VRK1: variants seen among roughly 807,000 people sequenced by gnomAD.
VRK1 encodes the protein VRK serine/threonine kinase 1.
In VRK1, 33 loss-of-function variants were observed where a neutral mutation model predicts 57.1. The ratio of observed to expected loss-of-function variants is 0.58; its 90% CI spans 0.44 to 0.77. VRK1 has a LOEUF of 0.77. VRK1 is among the 30% of genes least tolerant of loss of function. VRK1 has a pLI of 0.00. For synonymous variants in VRK1, 137 were observed against 147.8 expected (o/e 0.93, Z 0.53); for missense variants, 413 against 477.3 (o/e 0.87, Z 1.25).
rs551802437 is a variant in VRK1 at position 96,854,396 on chromosome 14, T to C, written c.577-828T>C. On this transcript the variant is annotated intron_variant, in intron 7 of 12. Coordinates refer to ENST00000216639, the MANE Select transcript of VRK1 (RefSeq NM_003384.3). The stretch of plus-strand genomic sequence containing the variant: ...GACATATGCTTTGGATGGGATTATT[T>C]TTCCAGTGTTAGATGTATGTGCTAG... 2.6e-5 allele frequency among the ~76,000 whole-genome samples: 4 copies of C among 152,296 alleles called. No homozygotes were observed. In the South Asian group the frequency reaches 8.3e-4, roughly 32 times the overall value.
chr14:96,847,149 G>A lies in VRK1; in HGVS notation c.287-108G>A. 5 of 807,624 alleles carry A rather than the reference G, an allele frequency of 6.2e-6. No individual in the cohort carries two copies. The Admixed American group carries it at 8.5e-5, about 14-fold the overall frequency. The allele number at this position is 807,624 out of a possible 1,614,324, so 50.0% of individuals were successfully genotyped here. On this transcript the variant is annotated intron_variant, in intron 4 of 12. Transcript: ENST00000216639. Reference sequence around the variant, plus strand: ...CTTCATTTTCTTTTTTATGAATACAGGTGAATTCTTATTGCATGTATAAAT... The same window carrying A: ...CTTCATTTTCTTTTTTATGAATACAAGTGAATTCTTATTGCATGTATAAAT...
At chr14:96,809,664 CCAGGTT>C (rs1886095453) in intron 1 of VRK1, among the ~76,000 whole-genome samples, 1 of 151,410 alleles carries the variant, frequency 6.6e-6, no homozygotes. Context: ...CCTCTGCCTC[CCAGGTT>C]CAAGTGATTC....
intron 11 of VRK1, among the ~76,000 whole-genome samples, chr14:96,870,324 A>G (rs984696698): frequency 1.3e-5 from 2 of 152,338 alleles, no homozygotes; most frequent in Admixed American, 6.5e-5. Context: ...TAGGCATAAA[A>G]TATTAAAGAT....
intron 1 of VRK1, among the ~76,000 whole-genome samples, chr14:96,819,249 C>T (rs1375583460): frequency 6.6e-6 from 1 of 152,140 alleles, no homozygotes; most frequent in Non-Finnish European, 1.5e-5. Context: ...TTTTTGGCTC[C>T]TCCTAAATCA....
At chr14:96,852,790 G>A (rs1195131578) in intron 5 of VRK1, 41 bp from the exon 6 acceptor site, 1 of 1,535,264 alleles carries the variant, frequency 6.5e-7, no homozygotes, top group South Asian at 1.1e-5. Context: ...TGGTTTTCTT[G>A]CATTGTATTT....
intron 11 of VRK1, among the ~76,000 whole-genome samples, chr14:96,868,638 T>G (rs912457453): frequency 6.6e-6 from 1 of 152,138 alleles, no homozygotes; most frequent in African/African-American, 2.4e-5. Context: ...AGAAGGAAAT[T>G]TGGTGTCATA....
chr14:96,878,708 G>A (rs1180078469), intron 12 of VRK1, among the ~76,000 whole-genome samples: 1 of 152,068 alleles, frequency 6.6e-6, no homozygotes, highest in African/African-American at 2.4e-5. Flanking sequence ...GTGATGGGAT[G>A]GTTTTCAAGA....
rs570653893 is a variant in VRK1, at chr14:96,827,659, T to C, written c.-5-5808T>C. ...TGGAGACAGTAACTGCTCCCTATAT[T>C]TGCTAGTTCCATATTCCTTCAAATT... On this transcript the variant is annotated intron_variant, in intron 1 of 12. Coordinates refer to ENST00000216639, the MANE Select transcript of VRK1 (RefSeq NM_003384.3). Among the ~76,000 whole-genome samples the C allele has an allele frequency of 2.6e-5, 4 of 152,324 alleles. No individual in the cohort carries two copies. The South Asian group carries it at 8.3e-4, about 32-fold the overall frequency.
intron 3 of VRK1, among the ~76,000 whole-genome samples, chr14:96,839,457 T>C (rs1887366073): frequency 2.6e-5 from 4 of 151,978 alleles, no homozygotes; most frequent in Non-Finnish European, 5.9e-5. Context: ...CTTGTACACA[T>C]TGGCCAATAA....
intron 3 of VRK1, 93 bp from the exon 4 acceptor site, chr14:96,846,002 A>G: frequency 8.6e-7 from 1 of 1,167,052 alleles, no homozygotes. Context: ...CATTGGACAG[A>G]AAAATAGATT....
intron 1 of VRK1, among the ~76,000 whole-genome samples, chr14:96,823,019 G>A (rs1430680550): frequency 1.3e-5 from 2 of 152,092 alleles, no homozygotes; most frequent in Non-Finnish European, 2.9e-5. Flanking sequence ...ATACTCACAT[G>A]GTCCTCTTCC....
chr14:96,880,504 G>T (rs1312690227), intron 12 of VRK1, among the ~76,000 whole-genome samples: 1 of 152,128 alleles, frequency 6.6e-6, no homozygotes, highest in Middle Eastern at 3.2e-3. Context: ...TAGTAGGTGG[G>T]GTGAAATGTC....
chr14:96,860,652 A>G lies in VRK1; in HGVS notation c.985A>G (p.Lys329Glu), dbSNP rs1307266976. The G allele has an allele frequency of 6.2e-7, 1 of 1,613,462 alleles. No homozygotes were observed. The change falls in exon 11 of 13, where the codon AAA (lysine) becomes GAA (glutamate). Residue 329 changes from lysine to glutamate, a missense_variant. This residue lies in a region of VRK1 where 146 missense variants were observed against 138.2 expected (regional missense o/e 1.06). Coordinates refer to ENST00000216639, the MANE Select transcript of VRK1 (RefSeq NM_003384.3). Reference sequence around the variant, plus strand: ...ACGTGACATTCTTTTGCAAGGACTAAAAGCTATAGGAAGTAAGGATGATGG... The same window carrying G: ...ACGTGACATTCTTTTGCAAGGACTAGAAGCTATAGGAAGTAAGGATGATGG... ...NLRDILLQGL[K>E]AIGSKDDGKL...
rs570451828 is a variant in VRK1 at position 96,877,943 on chromosome 14, T to G, written c.1159+1823T>G. On this transcript the variant is annotated intron_variant, in intron 12 of 12. Coordinates refer to ENST00000216639, the MANE Select transcript of VRK1 (RefSeq NM_003384.3). Reference sequence around the variant, plus strand: ...AAATATATCAGTATTTTTGTTATTTTATTAATGACAAAAGAGTATAGTAAA... The same window carrying G: ...AAATATATCAGTATTTTTGTTATTTGATTAATGACAAAAGAGTATAGTAAA... 1.8e-4 allele frequency among the ~76,000 whole-genome samples: 27 copies of G among 152,352 alleles called. No homozygotes were observed. The South Asian group carries it at 4.3e-3, about 25-fold the overall frequency.
chr14:96,879,170 T>C (rs1052000373), intron 12 of VRK1, among the ~76,000 whole-genome samples: 3 of 152,136 alleles, frequency 2.0e-5, no homozygotes, highest in Non-Finnish European at 4.4e-5. Flanking sequence ...TATACATTAG[T>C]CTTCTGATTG....
At chr14:96,825,324 GAATA>G (rs747195092) in intron 1 of VRK1, among the ~76,000 whole-genome samples, 2 of 152,194 alleles carry the variant, frequency 1.3e-5, no homozygotes, top group African/African-American at 2.4e-5. Context: ...TTTTGAGGAA[GAATA>G]AATAGAGTTT....
chr14:96,807,680 A>T (rs1222665395), intron 1 of VRK1, among the ~76,000 whole-genome samples: 1 of 152,156 alleles, frequency 6.6e-6, no homozygotes, highest in East Asian at 1.9e-4. Context: ...GTTGAATAAA[A>T]TCCCTGCATC....
chr14:96,838,999 T>G (rs1887340266), intron 3 of VRK1, among the ~76,000 whole-genome samples: 1 of 151,938 alleles, frequency 6.6e-6, no homozygotes, highest in South Asian at 2.1e-4. Context: ...GTAGAGCATT[T>G]CCATCATACT....
In VRK1 at chr14:96,825,917, A is replaced by G. The variant is rs563166748; in HGVS notation, c.-5-7550A>G. 8.0e-4 allele frequency among the ~76,000 whole-genome samples: 122 copies of G among 152,354 alleles called. 1 individual carries two copies. The highest frequency in any genetic ancestry group is 1.7e-3 in the South Asian group (8 of 4,822). ...TTTTGGGGAAAATTTATGAGTAGTC[A>G]TTCAGTATATAACGAGCTTTATTCA... On this transcript the variant is annotated intron_variant, in intron 1 of 12. Coordinates refer to ENST00000216639, the MANE Select transcript of VRK1 (RefSeq NM_003384.3).
Sources: allele counts gnomAD v4.1 joint callset (sites outside exome capture counted in the v4.1 genomes callset), GRCh38; gene constraint gnomAD v4.1.1; regional missense constraint gnomAD v4.1.1; transcripts MANE v1.5; gene names NCBI Gene and HGNC (gene_info 2026-07-23, HGNC 2026-07-21).